DDX27: variants seen among roughly 807,000 people sequenced by gnomAD.
The protein encoded by DDX27 is probable ATP-dependent RNA helicase DDX27.
Under a neutral mutation model 99.3 loss-of-function variants are expected in DDX27, and 42 were observed. That is an observed-to-expected ratio of 0.42 (90% CI 0.33 to 0.55). The LOEUF is 0.55. Among genes scored for constraint, DDX27 ranks in the 20% least tolerant of loss-of-function variants. The pLI, the probability that DDX27 is intolerant of heterozygous loss-of-function variation, is 0.07. For synonymous variants in DDX27, 329 were observed against 353.8 expected (o/e 0.93, Z 0.79); for missense variants, 798 against 976.8 (o/e 0.82, Z 2.44).
At chr20:49,222,885 T>C in intron 2 of DDX27, 72 bp from the exon 3 acceptor site, 1 of 1,329,042 alleles carries the variant, frequency 7.5e-7, no homozygotes, top group Non-Finnish European at 1.0e-6. Flanking sequence ...TCAAGTTAAT[T>C]ATGAAGAGTT....
At chr20:49,241,466 G>A (rs1385035883) in intron 16 of DDX27, among the ~76,000 whole-genome samples, 2 of 151,626 alleles carry the variant, frequency 1.3e-5, no homozygotes, top group Admixed American at 6.6e-5. Context: ...AAGTGCTTGC[G>A]GCTTTTCTTT....
intron 20 of DDX27, 29 bp downstream of exon 20, chr20:49,243,732 G>A (rs563453328): frequency 6.2e-7 from 1 of 1,614,020 alleles, no homozygotes; most frequent in African/African-American, 1.3e-5. Context: ...GAGGGGCATA[G>A]GTTTTGGGAT....
intron 2 of DDX27, 40 bp downstream of exon 2, chr20:49,221,638 A>G (rs1048353805): frequency 1.3e-6 from 2 of 1,540,566 alleles, no homozygotes; most frequent in Non-Finnish European, 1.8e-6. Context: ...ACTTTGGGCT[A>G]TTAAGATTGG....
At chr20:49,228,513 TC>T (rs1979980983) in intron 7 of DDX27, among the ~76,000 whole-genome samples, 1 of 152,208 alleles carries the variant, frequency 6.6e-6, no homozygotes, top group African/African-American at 2.4e-5. Flanking sequence ...CCTCAGGTGA[TC>T]CGCCTGCCTC....
chr20:49,242,752 T>G (rs1322786746), intron 19 of DDX27, 71 bp downstream of exon 19: 1 of 1,381,260 alleles, frequency 7.2e-7, no homozygotes, highest in Non-Finnish European at 1.0e-6. Context: ...AGACGGAGTC[T>G]CGCTCTGTCG....
At chr20:49,223,082 A>G in intron 3 of DDX27, 66 bp downstream of exon 3, 2 of 1,503,562 alleles carry the variant, frequency 1.3e-6, no homozygotes, top group Non-Finnish European at 1.8e-6. Context: ...CGACCCCAGC[A>G]TCTCTCTGGA....
Position 49,239,262 on chromosome 20 carries a change from G to GA in DDX27, c.1823dup (p.Lys610GlufsTer32), listed in dbSNP as rs760384770. The GA allele has an allele frequency of 9.9e-6, 16 of 1,614,138 alleles. No homozygotes were observed. The highest frequency in any genetic ancestry group is 1.4e-5 in the Non-Finnish European group (16 of 1,180,038). ...TCAATACAGCAAAGCGGCTCCTGGA[G>GA]AAGGGGAAGGAGGCAGTGGTCCAAG... On this transcript the variant is annotated frameshift_variant, in exon 16 of 21. Coordinates refer to ENST00000618172, the MANE Select transcript of DDX27 (RefSeq NM_017895.8). LOFTEE classifies it high-confidence loss of function.
At position 49,239,320 on chromosome 20, in the gene DDX27, G is replaced by A; in HGVS notation, c.1879G>A (p.Glu627Lys). The change falls in exon 16 of 21, where the codon GAG becomes AAG. Residue 627 changes from glutamate (E) to lysine (K), a missense_variant. This residue lies in a region of DDX27 where 553 missense variants were observed against 727.9 expected (regional missense o/e 0.76). Coordinates refer to ENST00000618172, the MANE Select transcript of DDX27 (RefSeq NM_017895.8). The stretch of plus-strand genomic sequence containing the variant: ...GAGGAGCTGGTTCCAGACCAAAGAA[G>A]AGAGGAAGAAGGAGAAAAGTAAGTC... Reference protein sequence around the residue: ...PERSWFQTKEERKKEKIAKAL... With the variant: ...PERSWFQTKEKRKKEKIAKAL... The A allele has an allele frequency of 3.7e-6, 6 of 1,611,840 alleles. No individual in the cohort carries two copies. The highest frequency in any genetic ancestry group is 5.1e-6 in the Non-Finnish European group (6 of 1,178,582).
intron 2 of DDX27, among the ~76,000 whole-genome samples, chr20:49,222,357 C>T (rs773261041): frequency 1.0e-4 from 15 of 150,106 alleles, no homozygotes; most frequent in Non-Finnish European, 8.9e-5. Context: ...TCACCCAGGC[C>T]GGAGTGCAAT....
chr20:49,220,414 C>T (rs1327047058), intron 1 of DDX27, among the ~76,000 whole-genome samples: 5 of 152,224 alleles, frequency 3.3e-5, no homozygotes, highest in African/African-American at 9.6e-5. Context: ...TCATCTTCAT[C>T]TCTTTATCTT....
chr20:49,243,005 C>T (rs1732249756), intron 19 of DDX27, among the ~76,000 whole-genome samples: 1 of 152,068 alleles, frequency 6.6e-6, no homozygotes, highest in South Asian at 2.1e-4. Flanking sequence ...CAGGCTTGAG[C>T]CACCGTGCCC....
At chr20:49,235,374 G>A (rs1980268560) in intron 12 of DDX27, 1 of 320,032 alleles carries the variant, frequency 3.1e-6, no homozygotes, top group Non-Finnish European at 5.7e-6. Flanking sequence ...GCAACACATG[G>A]TCTCTTCTTG....
rs1012599100 is a variant in DDX27, at chr20:49,236,649, T to C, written c.1687+139T>C. The C allele has an allele frequency of 5.8e-6, 5 of 865,204 alleles. No homozygotes were observed. Among genetic ancestry groups the C allele is most frequent in the African/African-American group, 3.5e-5 (2 of 57,382 alleles). The allele number at this position is 865,204 out of a possible 1,614,324, so 53.6% of individuals were successfully genotyped here. A position where few individuals can be genotyped will look rare whatever the true frequency, so the allele number is the denominator to read the frequency against. ...CTGCTGCTTCCTTGCCGAGTGACCA[T>C]GTGCAGGTTTCACCTCACCTCTCTG... is the stretch of plus-strand genomic sequence containing the variant. On this transcript the variant is annotated intron_variant, in intron 14 of 20. Coordinates refer to ENST00000618172, the MANE Select transcript of DDX27 (RefSeq NM_017895.8). This position sits in a 1 kb window ranked among gnomAD's most constrained non-coding sequence, Gnocchi z 4.1.
In DDX27 at chr20:49,221,559, C is replaced by T. The variant is rs556035005; in HGVS notation, c.201C>T (p.Ser67=). 1.9e-5 allele frequency: 30 copies of T among 1,612,068 alleles called. No homozygotes were observed. In the African/African-American group the frequency reaches 3.1e-4, roughly 16 times the overall value. The change falls in exon 2 of 21, where the codon AGC becomes AGT. Residue 67 remains serine, a synonymous_variant. Coordinates refer to ENST00000618172, the MANE Select transcript of DDX27 (RefSeq NM_017895.8). The part of the protein sequence containing the change: ...FTEKEGTYDG[S]WALADVMSQL... ...AGAAGGAGGGGACGTACGATGGCAG[C>T]TGGGCCCTGGCTGATGTCATGAGCC...
intron 18 of DDX27, 125 bp downstream of exon 18, chr20:49,242,331 C>T: frequency 1.4e-6 from 2 of 1,438,070 alleles, no homozygotes; most frequent in Non-Finnish European, 1.9e-6. Flanking sequence ...TAGTATGTAC[C>T]AATGTGTACA....
At chr20:49,229,217 A>G (rs1980012088) in intron 8 of DDX27, among the ~76,000 whole-genome samples, 1 of 151,808 alleles carries the variant, frequency 6.6e-6, no homozygotes, top group Admixed American at 6.6e-5. Flanking sequence ...TTTTTAGTAG[A>G]GACAGGTTTT....
intron 16 of DDX27, among the ~76,000 whole-genome samples, chr20:49,240,432 T>C (rs1039733610): frequency 6.6e-6 from 1 of 152,196 alleles, no homozygotes; most frequent in African/African-American, 2.4e-5. Context: ...GCTGCCCTTT[T>C]TGTTTTTTGT....
chr20:49,238,905 G>A (rs1980387649), intron 14 of DDX27, 44 bp from the exon 15 acceptor site: 1 of 1,462,754 alleles, frequency 6.8e-7, no homozygotes. Context: ...CACCATGCCT[G>A]GCCTACCCTT....
At chr20:49,223,237 C>T in intron 3 of DDX27, 31 bp from the exon 4 acceptor site, 1 of 1,592,670 alleles carries the variant, frequency 6.3e-7, no homozygotes, top group Non-Finnish European at 8.5e-7. Context: ...CTAGAAGTTT[C>T]TCATCACCCT....
Sources: gnomAD v4.1 joint callset for allele counts (sites outside exome capture counted in the v4.1 genomes callset) on GRCh38, gnomAD v4.1.1 for gene constraint, gnomAD v4.1.1 regional missense constraint, Gnocchi (gnomAD v3.1) non-coding constraint, MANE v1.5 for transcripts, NCBI Gene and HGNC (gene_info 2026-07-23, HGNC 2026-07-21) for gene names.